LTBP4: variants seen among roughly 807,000 people sequenced by gnomAD.
LTBP4 encodes latent transforming growth factor beta binding protein 4.
A neutral mutation model predicts 180.2 loss-of-function variants in LTBP4; 93 were observed. That is an observed-to-expected ratio of 0.52 (90% CI 0.44 to 0.61). The LOEUF is 0.61. LTBP4 is among the 20% of genes least tolerant of loss of function. LTBP4 has a pLI of 0.00. For synonymous variants in LTBP4, 947 were observed against 934.5 expected (o/e 1.01, Z -0.24); for missense variants, 2,116 against 2,256.5 (o/e 0.94, Z 1.26).
chr19:40,610,057 A>C (rs1322259714), intron 11 of LTBP4, 186 bp downstream of exon 11: 91 of 672,800 alleles, frequency 1.4e-4, no homozygotes, highest in African/African-American at 3.9e-4. Context: ...CTTTGACCCC[A>C]CCCCTACCCA....
intron 9 of LTBP4, 57 bp downstream of exon 9, chr19:40,608,660 C>T (rs948148185): frequency 1.9e-6 from 3 of 1,538,970 alleles, no homozygotes; most frequent in Non-Finnish European, 2.6e-6. Flanking sequence ...CGCCTGTAAT[C>T]CCAGCATTTT....
intron 26 of LTBP4, among the ~76,000 whole-genome samples, chr19:40,625,255 TATATATATATATATATATATATATA>T (rs2081616684): frequency 1.6e-3 from 3 of 1,912 alleles, no homozygotes; most frequent in Non-Finnish European, 9.8e-4. Context: ...TTTGTATTTA[TATATATATATATATATATATATATA>T]TATATATATA....
Position 40,605,307 on chromosome 19 carries a change from C to G in LTBP4, c.442+81C>G. ...CCCTGACCCTCATATTTCCCGCCTT[C>G]CCGAGCACCTTTGCCCAGCTCGCCC... On this transcript the variant is annotated intron_variant, in intron 2 of 29. Coordinates refer to ENST00000396819, the MANE Select transcript of LTBP4 (RefSeq NM_001042545.2). This position sits in a 1 kb window ranked among gnomAD's most constrained non-coding sequence, Gnocchi z 5.5. 2 of 1,566,808 alleles carry G rather than the reference C, an allele frequency of 1.3e-6. No individual in the cohort carries two copies. The highest frequency in any genetic ancestry group is 1.7e-6 in the Non-Finnish European group (2 of 1,154,224).
chr19:40,612,216 C>A (rs753791001), intron 15 of LTBP4, 24 bp downstream of exon 15: 1 of 1,573,776 alleles, frequency 6.4e-7, no homozygotes, highest in Non-Finnish European at 8.6e-7. Flanking sequence ...CTGGCTGTGA[C>A]CTTGGGCCTG....
In LTBP4 at chr19:40,622,266, T is replaced by G; in HGVS notation, c.3218-135T>G. On this transcript the variant is annotated intron_variant, in intron 22 of 29. Coordinates refer to ENST00000396819, the MANE Select transcript of LTBP4 (RefSeq NM_001042545.2). The surrounding 1 kb of genome is among the most constrained non-coding windows in gnomAD (Gnocchi z 5.1). ...AACAGTGACAGAGGAGCGTGAGAGG[T>G]GTGGAGTCTGGTTCTGCCACTGATG... 3 of 884,536 alleles carry G rather than the reference T, an allele frequency of 3.4e-6. No individual in the cohort carries two copies. The highest frequency in any genetic ancestry group is 2.8e-5 in the East Asian group (1 of 36,118). 54.8% of individuals were successfully genotyped at this position (884,536 alleles called of 1,614,324 possible). A position where few individuals can be genotyped will look rare whatever the true frequency, so the allele number is the denominator to read the frequency against.
Position 40,611,047 on chromosome 19 carries a change from G to A in LTBP4, c.1811-105G>A. 6.8e-7 allele frequency: 1 copy of A among 1,467,772 alleles called. No homozygotes were observed. The highest frequency in any genetic ancestry group is 9.4e-7 in the Non-Finnish European group (1 of 1,066,702). The allele number at this position is 1,467,772 out of a possible 1,614,324, so 90.9% of individuals were successfully genotyped here. A position where few individuals can be genotyped will look rare whatever the true frequency, so the allele number is the denominator to read the frequency against. The stretch of plus-strand genomic sequence containing the variant: ...CAGATGATGGTGACAAGGAGGAATA[G>A]AGATGGGGTCACGGGGACAGAATGT... On this transcript the variant is annotated intron_variant, in intron 12 of 29. Coordinates refer to ENST00000396819, the MANE Select transcript of LTBP4 (RefSeq NM_001042545.2). This position sits in a 1 kb window ranked among gnomAD's most constrained non-coding sequence, Gnocchi z 4.4.
chr19:40,612,316 C>G, intron 15 of LTBP4, 124 bp downstream of exon 15: 3 of 1,298,356 alleles, frequency 2.3e-6, no homozygotes, highest in Non-Finnish European at 3.1e-6. Context: ...TCCCCAGAGC[C>G]TGTGACTCCT....
At chr19:40,620,767 CAAA>C (rs57662483) in intron 22 of LTBP4, among the ~76,000 whole-genome samples, 16,559 of 100,230 alleles carry the variant, frequency 0.17, 1,225 homozygotes, top group African/African-American at 0.3. Context: ...GACTCCGTCC[CAAA>C]AAAAAAAAAA....
intron 22 of LTBP4, among the ~76,000 whole-genome samples, chr19:40,621,825 T>C (rs764236721): frequency 2.0e-5 from 3 of 151,608 alleles, no homozygotes; most frequent in Non-Finnish European, 4.4e-5. Flanking sequence ...CTCGGCTCAC[T>C]GCAACTTCCG....
chr19:40,600,153 C>T, upstream of LTBP4: 2 of 1,255,718 alleles, frequency 1.6e-6, no homozygotes, highest in Non-Finnish European at 2.0e-6. The surrounding 1 kb of genome is among the most constrained non-coding windows in gnomAD (Gnocchi z 4.4). Flanking sequence ...GCCCCCACAG[C>T]GTGCCCCCGC....
rs1484377395 is a variant in LTBP4, at chr19:40,605,210, C to T, written c.426C>T (p.His142=). Reference sequence around the variant, plus strand: ...TGTACACTATGCCACTGGCCAACCACCGCGACGACGAGCACGGTGAGGAAA... The same window carrying T: ...TGTACACTATGCCACTGGCCAACCATCGCGACGACGAGCACGGTGAGGAAA... ...RSVYTMPLAN[H]RDDEHGVASM... is the part of the protein sequence containing the mutation. Residue 142 remains histidine, a synonymous_variant, in exon 2 of 30, where the codon CAC becomes CAT. Coordinates refer to ENST00000396819, the MANE Select transcript of LTBP4 (RefSeq NM_001042545.2). The surrounding 1 kb of genome is among the most constrained non-coding windows in gnomAD (Gnocchi z 5.5). 1 of 1,598,926 alleles carries T rather than the reference C, an allele frequency of 6.3e-7. No individual in the cohort carries two copies. Among genetic ancestry groups the T allele is most frequent in the East Asian group, 2.3e-5 (1 of 43,992 alleles).
At chr19:40,617,264 G>C in intron 21 of LTBP4, 39 bp downstream of exon 21, 1 of 1,595,092 alleles carries the variant, frequency 6.3e-7, no homozygotes, top group Non-Finnish European at 8.6e-7. Context: ...CAAAGGGGGT[G>C]GGGGAGGTTG....
In LTBP4 at chr19:40,609,869, T is replaced by C; in HGVS notation, c.1682T>C (p.Leu561Pro). ...GCCGGCCCACGGGCTGCGGAATGCC[T>C]GGGTGAGAAATTTGCCCCACCCGGC... ...FRAGPRAAEC[L>P]DVDECHRVPP... The change falls in exon 11 of 30, where the codon CTG (leucine) becomes CCG (proline). Residue 561 changes from leucine (L) to proline (P), a missense_variant and splice_region_variant. Leu to Pro is a moderately conservative substitution (Grantham distance 98). This residue lies in a region of LTBP4 where 877 missense variants were observed against 873.6 expected (regional missense o/e 1.00). Coordinates refer to ENST00000396819, the MANE Select transcript of LTBP4 (RefSeq NM_001042545.2). The surrounding 1 kb of genome is among the most constrained non-coding windows in gnomAD (Gnocchi z 4.9). 2 of 1,558,660 alleles carry C rather than the reference T, an allele frequency of 1.3e-6. No homozygotes were observed. Among genetic ancestry groups the C allele is most frequent in the Non-Finnish European group, 1.7e-6 (2 of 1,150,250 alleles).
At chr19:40,623,270 G>A (rs2081600094) in intron 24 of LTBP4, among the ~76,000 whole-genome samples, 1 of 151,904 alleles carries the variant, frequency 6.6e-6, no homozygotes, top group Non-Finnish European at 1.5e-5. Context: ...TGTCTCCTGG[G>A]TTCAAGCGAT....
chr19:40,628,899 G>T (rs966466851), intron 29 of LTBP4, among the ~76,000 whole-genome samples: 1 of 151,466 alleles, frequency 6.6e-6, no homozygotes, highest in African/African-American at 2.4e-5. Context: ...GCCCAGGCTG[G>T]AGTGCAGTGG....
At position 40,607,417 on chromosome 19, in the gene LTBP4, C is replaced by A. The variant is rs559122752; in HGVS notation, c.1044C>A (p.Asp348Glu). The change falls in exon 7 of 30, where the codon GAC (aspartate) becomes GAA (glutamate). Residue 348 changes from aspartate to glutamate, a missense_variant. Physicochemically the swap from Asp to Glu is conservative, Grantham distance 45 (BLOSUM62 2). Transcript: ENST00000396819. ...GGCCCTGCTTCCGCGTGCTCCGCGACGGCGGCTGTTCGCTGCCCATTCTGC... is the reference window on the plus strand; with the variant it reads ...GGCCCTGCTTCCGCGTGCTCCGCGAAGGCGGCTGTTCGCTGCCCATTCTGC... ...AKGPCFRVLR[D>E]GGCSLPILRN... The A allele has an allele frequency of 1.2e-6, 2 of 1,613,118 alleles. No individual in the cohort carries two copies. Among genetic ancestry groups the A allele is most frequent in the African/African-American group, 2.7e-5 (2 of 75,058 alleles).
In LTBP4 at chr19:40,609,922, T is replaced by C; in HGVS notation, c.1684+51T>C. 1 of 1,479,318 alleles carries C rather than the reference T, an allele frequency of 6.8e-7. No individual in the cohort carries two copies. Among genetic ancestry groups the C allele is most frequent in the Non-Finnish European group, 9.0e-7 (1 of 1,113,896 alleles). The allele number at this position is 1,479,318 out of a possible 1,614,324, so 91.6% of individuals were successfully genotyped here. ...CAGGCCCACCCCAGGGTCTCGCTCC[T>C]GCTCTCACTCCAGAGCCTCTCCAGC... is the stretch of plus-strand genomic sequence containing the variant. On this transcript the variant is annotated intron_variant, in intron 11 of 29. Transcript: ENST00000396819. The surrounding 1 kb of genome is among the most constrained non-coding windows in gnomAD (Gnocchi z 4.9).
At position 40,629,367 on chromosome 19, in the gene LTBP4, C is replaced by T. The variant is rs754721103; in HGVS notation, c.4520-29C>T. ...GGCGAGCTTCTGGGGCCCCAGCCTT[C>T]AGCAGCGATCGTTGTCTCCCCTCCG... is the stretch of plus-strand genomic sequence containing the variant. On this transcript the variant is annotated intron_variant, in intron 29 of 29. Coordinates refer to ENST00000396819, the MANE Select transcript of LTBP4 (RefSeq NM_001042545.2). This position sits in a 1 kb window ranked among gnomAD's most constrained non-coding sequence, Gnocchi z 4.5. 20 of 1,611,832 alleles carry T rather than the reference C, an allele frequency of 1.2e-5. 1 individual carries two copies. The South Asian group carries it at 2.2e-4, about 18-fold the overall frequency.
At chr19:40,619,612 C>A in intron 22 of LTBP4, 119 bp downstream of exon 22, 1 of 1,123,276 alleles carries the variant, frequency 8.9e-7, no homozygotes, top group Non-Finnish European at 1.2e-6. Flanking sequence ...TAAACATCAA[C>A]AAAAGACACA....
Sources: gnomAD v4.1 joint callset for allele counts (sites outside exome capture counted in the v4.1 genomes callset) on GRCh38, gnomAD v4.1.1 for gene constraint, gnomAD v4.1.1 regional missense constraint, Gnocchi (gnomAD v3.1) non-coding constraint, MANE v1.5 for transcripts, NCBI Gene and HGNC (gene_info 2026-07-23, HGNC 2026-07-21) for gene names.